The following RHOBTB2 variants were observed in gnomAD, a reference collection of about 807,000 sequenced individuals.
The protein encoded by RHOBTB2 is rho-related BTB domain-containing protein 2.
A neutral mutation model predicts 66.5 loss-of-function variants in RHOBTB2; 39 were observed. The observed-to-expected ratio is 0.59, with a 90% CI of 0.45 to 0.77. RHOBTB2 has a LOEUF of 0.77. Among genes scored for constraint, RHOBTB2 ranks in the 30% least tolerant of loss-of-function variants. The pLI is 0.00. For synonymous variants in RHOBTB2, 390 were observed against 395.0 expected (o/e 0.99, Z 0.15); for missense variants, 755 against 999.1 (o/e 0.76, Z 3.29).
At chr8:22,960,193 CAAAA>C in the RHOBTB2 span, among the ~76,000 whole-genome samples, 1,469 of 144,568 alleles carry the variant, frequency 0.01, 22 homozygotes, top group African/African-American at 0.035. Context: ...AAAAAAAAAA[CAAAA>C]AAACAAGAAC....
At chr8:22,952,333 C>T in the RHOBTB2 span, among the ~76,000 whole-genome samples, 9 of 152,114 alleles carry the variant, frequency 5.9e-5, no homozygotes, top group African/African-American at 1.9e-4. Flanking sequence ...CTCGCTCCCT[C>T]CTCTGCATGC....
At chr8:22,962,580 A>C in the RHOBTB2 span, among the ~76,000 whole-genome samples, 2 of 152,244 alleles carry the variant, frequency 1.3e-5, no homozygotes, top group African/African-American at 4.8e-5. Context: ...GTGAGAAAGA[A>C]GCCATTTTTA....
chr8:22,977,958 T>C, the RHOBTB2 span: 2 of 151,908 alleles, frequency 1.3e-5, no homozygotes, highest in Non-Finnish European at 2.9e-5. Context: ...AAGAGTCCTA[T>C]GCTGACCAGA....
the RHOBTB2 span, among the ~76,000 whole-genome samples, chr8:22,968,092 T>C: frequency 6.6e-6 from 1 of 151,936 alleles, no homozygotes; most frequent in Non-Finnish European, 1.5e-5. Flanking sequence ...GAAGGCTGAG[T>C]TGCAGTGAGC....
rs1475546166 is a variant in RHOBTB2, at chr8:23,007,112, C to T, written c.867C>T (p.Ser289=). Residue 289 remains serine (S), a synonymous_variant, in exon 5 of 10, where the codon TCC becomes TCT. Coordinates refer to ENST00000251822, the MANE Select transcript of RHOBTB2 (RefSeq NM_015178.3). The part of the protein sequence containing the change: ...FAHKIYLSTS[S]SKFYDLFLMD... ...ACAAGATCTACCTCTCCACCTCTTC[C>T]TCCAAGTTCTATGACCTGTTCCTCA... 1.2e-6 allele frequency: 2 copies of T among 1,609,900 alleles called. No individual in the cohort carries two copies. Among genetic ancestry groups the T allele is most frequent in the Non-Finnish European group, 1.7e-6 (2 of 1,179,886 alleles).
chr8:22,962,905 G>A, the RHOBTB2 span, among the ~76,000 whole-genome samples: 1 of 152,246 alleles, frequency 6.6e-6, no homozygotes, highest in Non-Finnish European at 1.5e-5. Context: ...GACCACCTGG[G>A]TGGATGGAAG....
the RHOBTB2 span, among the ~76,000 whole-genome samples, chr8:22,955,336 G>A: frequency 3.3e-5 from 5 of 152,114 alleles, no homozygotes; most frequent in Non-Finnish European, 7.4e-5. Context: ...TTTCGGAAGA[G>A]CACTTGCATC....
At chr8:23,008,174 G>C in intron 6 of RHOBTB2, 63 bp downstream of exon 6, 1 of 1,125,274 alleles carries the variant, frequency 8.9e-7, no homozygotes, top group Admixed American at 2.1e-5. Context: ...TTACATCTGA[G>C]GCACTGCCAC....
At chr8:22,952,131 G>A in the RHOBTB2 span, among the ~76,000 whole-genome samples, 1 of 152,108 alleles carries the variant, frequency 6.6e-6, no homozygotes, top group African/African-American at 2.4e-5. Context: ...AACCTCCATA[G>A]CCAGAACGCT....
chr8:23,008,227 A>T, intron 6 of RHOBTB2, 116 bp downstream of exon 6: 1 of 732,514 alleles, frequency 1.4e-6, no homozygotes, highest in Non-Finnish European at 2.3e-6. Flanking sequence ...CCACAGGGTG[A>T]TGGGCCCAAG....
Position 23,017,317 on chromosome 8 carries a change from T to C in RHOBTB2, c.2032T>C (p.Tyr678His), listed in dbSNP as rs894513984. 3 of 1,614,012 alleles carry C rather than the reference T, an allele frequency of 1.9e-6. No homozygotes were observed. Among genetic ancestry groups the C allele is most frequent in the African/African-American group, 2.7e-5 (2 of 74,892 alleles). The change falls in exon 10 of 10, where the codon TAC (tyrosine) becomes CAC (histidine). Residue 678 changes from tyrosine (Y) to histidine (H), a missense_variant. Physicochemically the swap from Tyr to His is moderately conservative, Grantham distance 83. Transcript: ENST00000251822. This position sits in a 1 kb window ranked among gnomAD's most constrained non-coding sequence, Gnocchi z 5.3. ...GTGGTACCTGAAGGAGGAAGATCAT[T>C]ACCAGCGGGCACGGAAGGAGCGTGA... ...PVWYLKEEDH[Y>H]QRARKEREKE...
the RHOBTB2 span, among the ~76,000 whole-genome samples, chr8:22,968,027 G>A: frequency 7.0e-4 from 107 of 152,016 alleles, no homozygotes; most frequent in East Asian, 8.3e-3. Flanking sequence ...AAGGTGGTGC[G>A]CGCCTGTAGT....
At chr8:22,958,050 G>A in the RHOBTB2 span, among the ~76,000 whole-genome samples, 3 of 152,230 alleles carry the variant, frequency 2.0e-5, no homozygotes, top group Non-Finnish European at 4.4e-5. Context: ...GTGGGCTTTT[G>A]TTACATCCCA....
chr8:23,008,118 C>G lies in RHOBTB2; in HGVS notation c.1620+7C>G, dbSNP rs758959310. The G allele has an allele frequency of 6.3e-7, 1 of 1,584,128 alleles. No individual in the cohort carries two copies. The highest frequency in any genetic ancestry group is 1.4e-5 in the African/African-American group (1 of 73,528). On this transcript the variant is annotated splice_region_variant and intron_variant, in intron 6 of 9. Transcript: ENST00000251822. ...GGAGAGCTCCACCCGGGAGGTAAGG[C>G]TGAGGACACAAAGGGGGGAAGGAGG...
chr8:22,965,490 C>T, the RHOBTB2 span, among the ~76,000 whole-genome samples: 1 of 152,080 alleles, frequency 6.6e-6, no homozygotes, highest in African/African-American at 2.4e-5. Flanking sequence ...CTTGAAAAAG[C>T]ACAATAAAGT....
upstream of RHOBTB2, chr8:22,987,366 G>A (rs1810307663): frequency 6.6e-6 from 1 of 152,476 alleles, no homozygotes; most frequent in African/African-American, 2.4e-5. Context: ...GCACAGCCCT[G>A]GAGGAGGAGG....
At chr8:22,997,183 C>T (rs1030610941), upstream of RHOBTB2, among the ~76,000 whole-genome samples, 2 of 151,930 alleles carry the variant, frequency 1.3e-5, no homozygotes, top group Non-Finnish European at 2.9e-5. Flanking sequence ...ATGGATGGGG[C>T]GGCTTGACAG....
chr8:22,998,136 G>A (rs956468456), upstream of RHOBTB2, among the ~76,000 whole-genome samples: 3 of 152,164 alleles, frequency 2.0e-5, no homozygotes, highest in South Asian at 2.1e-4. Flanking sequence ...AGGTAGGTAG[G>A]CACGTTGATC....
chr8:23,004,099 G>A lies in RHOBTB2; in HGVS notation c.-10-326G>A. On this transcript the variant is annotated intron_variant, in intron 1 of 9. Transcript: ENST00000251822. This position sits in a 1 kb window ranked among gnomAD's most constrained non-coding sequence, Gnocchi z 6.4. ...AGATGAGTGAGCTGCCCTCTCTGGA[G>A]AGGGGACAGGGCAGGGCCTCGGCAA... is the stretch of plus-strand genomic sequence containing the variant. The A allele has an allele frequency of 2.6e-6, 1 of 384,744 alleles. No homozygotes were observed. The highest frequency in any genetic ancestry group is 5.0e-6 in the Non-Finnish European group (1 of 201,164). The allele number at this position is 384,744 out of a possible 1,614,324, so 23.8% of individuals were successfully genotyped here. A position where few individuals can be genotyped will look rare whatever the true frequency, so the allele number is the denominator to read the frequency against.
Sources: gnomAD v4.1 joint callset for allele counts (sites outside exome capture counted in the v4.1 genomes callset) on GRCh38, gnomAD v4.1.1 for gene constraint, Gnocchi (gnomAD v3.1) non-coding constraint, MANE v1.5 for transcripts, NCBI Gene and HGNC (gene_info 2026-07-23, HGNC 2026-07-21) for gene names.